Variants in DNAH10 observed in about 807,000 individuals in gnomAD.
The protein encoded by DNAH10 is dynein axonemal heavy chain 10, also known as axonemal beta dynein heavy chain 10.
A neutral mutation model predicts 506.6 loss-of-function variants in DNAH10; 348 were observed. The observed-to-expected ratio is 0.69, with a 90% CI of 0.63 to 0.75. The LOEUF is 0.75. DNAH10 is among the 30% of genes least tolerant of loss of function. The probability of loss-of-function intolerance (pLI) is 0.00; values close to 1 mark genes in which losing one functional copy is unlikely to be tolerated. For missense variants in DNAH10, 5,179 were observed against 5,787.1 expected (o/e 0.89, Z 3.41); for synonymous variants, 2,059 against 2,198.6 (o/e 0.94, Z 1.78).
At position 123,875,557 on chromosome 12, in the gene DNAH10, C is replaced by CT. The variant is rs1952221625; in HGVS notation, c.8199+67dup. The CT allele has an allele frequency of 1.2e-5, 19 of 1,588,190 alleles. No homozygotes were observed. In the South Asian group the frequency reaches 2.0e-4, roughly 17 times the overall value. ...GTGTTGGGGGGAAACATACACAGGGCTGACTTATCCATGTAGGCACAGCAG... is the reference window on the plus strand; with the variant it reads ...GTGTTGGGGGGAAACATACACAGGGCTTGACTTATCCATGTAGGCACAGCAG... On this transcript the variant is annotated intron_variant, in intron 47 of 78. Coordinates refer to ENST00000673944, the MANE Select transcript of DNAH10 (RefSeq NM_001372106.1).
chr12:123,787,990 C>T lies in DNAH10; in HGVS notation c.1608C>T (p.Ser536=), dbSNP rs1241634396. 1.1e-5 allele frequency: 18 copies of T among 1,568,924 alleles called. No homozygotes were observed. The highest frequency in any genetic ancestry group is 1.5e-5 in the Non-Finnish European group (17 of 1,156,482). The change falls in exon 10 of 79, where the codon TCC becomes TCT. Residue 536 remains serine (S), a synonymous_variant. Transcript: ENST00000673944. This position sits in a 1 kb window ranked among gnomAD's most constrained non-coding sequence, Gnocchi z 4.6. ...DYMATICQDL[S]DVLQILEEFY... ...TGGCCACCATCTGCCAGGACCTCTC[C>T]GACGTTCTGCAGGTAGGGGCTGGGC...
At chr12:123,765,603 T>A (rs2135948689) in intron 1 of DNAH10, among the ~76,000 whole-genome samples, 1 of 149,168 alleles carries the variant, frequency 6.7e-6, no homozygotes, top group South Asian at 2.1e-4. Context: ...TATCTATACA[T>A]ACCTCTATCT....
At chr12:123,784,629 T>C (rs1210733079) in intron 8 of DNAH10, among the ~76,000 whole-genome samples, 1 of 152,196 alleles carries the variant, frequency 6.6e-6, no homozygotes, top group Non-Finnish European at 1.5e-5. Flanking sequence ...AAGCATACAG[T>C]TCAGTGGCAC....
At position 123,833,317 on chromosome 12, in the gene DNAH10, A is replaced by C. The variant is rs776903342; in HGVS notation, c.4749A>C (p.Lys1583Asn). 29 of 1,613,100 alleles carry C rather than the reference A, an allele frequency of 1.8e-5. No homozygotes were observed. Among genetic ancestry groups the C allele is most frequent in the African/African-American group, 4.0e-5 (3 of 74,916 alleles). ...TGCAAACTGTTCACAAATGGGAAAAAACGCTTTCTCTAATAGGGGAAGTCA... is the reference window on the plus strand; with the variant it reads ...TGCAAACTGTTCACAAATGGGAAAACACGCTTTCTCTAATAGGGGAAGTCA... ...PFLQTVHKWEKTLSLIGEVIE... is the reference protein window; with the variant it reads ...PFLQTVHKWENTLSLIGEVIE... The change falls in exon 27 of 79, where the codon AAA becomes AAC. Residue 1583 changes from lysine (K) to asparagine (N), a missense_variant. Physicochemically the swap from Lys to Asn is moderately conservative, Grantham distance 94. This residue lies in a region of DNAH10 where 4,844 missense variants were observed against 5,430.5 expected (regional missense o/e 0.89). Transcript: ENST00000673944.
chr12:123,786,075 G>A (rs1327422947), intron 9 of DNAH10, 139 bp downstream of exon 9: 14 of 1,061,420 alleles, frequency 1.3e-5, no homozygotes, highest in Non-Finnish European at 1.8e-5. Context: ...CTTATGGCTG[G>A]GCACAGTGGT....
At chr12:123,790,782 C>T (rs1163329646) in intron 11 of DNAH10, among the ~76,000 whole-genome samples, 3 of 152,116 alleles carry the variant, frequency 2.0e-5, no homozygotes, top group East Asian at 1.9e-4. Context: ...AGACTTACTT[C>T]AGTAGGCAAG....
intron 51 of DNAH10, among the ~76,000 whole-genome samples, chr12:123,883,583 A>G (rs1411172897): frequency 1.3e-5 from 2 of 152,198 alleles, no homozygotes; most frequent in African/African-American, 4.8e-5. Flanking sequence ...TGGTTGCATG[A>G]TACACATGCA....
intron 17 of DNAH10, among the ~76,000 whole-genome samples, chr12:123,804,301 A>G (rs1408331176): frequency 1.3e-5 from 2 of 152,118 alleles, no homozygotes; most frequent in Non-Finnish European, 2.9e-5. Flanking sequence ...TGAGGCAGGC[A>G]GATCACAAGG....
intron 5 of DNAH10, among the ~76,000 whole-genome samples, chr12:123,780,250 G>A (rs919973933): frequency 6.7e-6 from 1 of 148,522 alleles, no homozygotes; most frequent in Non-Finnish European, 1.5e-5. Context: ...CCCTGCAACC[G>A]CCGCCTCCTG....
chr12:123,881,549 T>C, intron 50 of DNAH10, 76 bp from the exon 51 acceptor site: 1 of 1,366,372 alleles, frequency 7.3e-7, no homozygotes, highest in Non-Finnish European at 9.8e-7. Flanking sequence ...TTCTGGATAT[T>C]AGCCCTTTGT....
In DNAH10 at chr12:123,925,188, G is replaced by A. The variant is rs762338634; in HGVS notation, c.11905G>A (p.Val3969Ile). 3 of 1,613,862 alleles carry A rather than the reference G, an allele frequency of 1.9e-6. No individual in the cohort carries two copies. Among genetic ancestry groups the A allele is most frequent in the Middle Eastern group, 1.6e-4 (1 of 6,082 alleles). Residue 3969 changes from valine (V) to isoleucine (I), a missense_variant, in exon 68 of 79, where the codon GTA becomes ATA. Physicochemically the swap from Val to Ile is conservative, Grantham distance 29. This residue lies in a region of DNAH10 where 4,844 missense variants were observed against 5,430.5 expected (regional missense o/e 0.89). Coordinates refer to ENST00000673944, the MANE Select transcript of DNAH10 (RefSeq NM_001372106.1). This position sits in a 1 kb window ranked among gnomAD's most constrained non-coding sequence, Gnocchi z 4.0. Reference protein sequence around the residue: ...VYRAVTDYVTVTMGEKYVQPP... With the variant: ...VYRAVTDYVTITMGEKYVQPP... The stretch of plus-strand genomic sequence containing the variant: ...TCGGGCCGTGACTGACTATGTGACT[G>A]TAACAATGGGAGAGAAGTAAGTGTG...
intron 47 of DNAH10, among the ~76,000 whole-genome samples, chr12:123,875,701 A>G (rs1952227647): frequency 6.6e-6 from 1 of 152,236 alleles, no homozygotes; most frequent in Admixed American, 6.5e-5. Flanking sequence ...ATGTATTTTT[A>G]TGGAGGAAGA....
Position 123,929,405 on chromosome 12 carries a change from A to G in DNAH10, c.12437A>G (p.His4146Arg), listed in dbSNP as rs535307465. The part of the protein sequence containing the change: ...KPLVYVLAFF[H>R]AVVQERRKFG... The stretch of plus-strand genomic sequence containing the variant: ...CTGGTCTACGTGCTGGCGTTCTTTC[A>G]TGCTGTGGTGCAGGAGAGAAGGAAG... Residue 4146 changes from histidine (H) to arginine (R), a missense_variant, in exon 71 of 79, where the codon CAT becomes CGT. Physicochemically the swap from His to Arg is conservative, Grantham distance 29. Transcript: ENST00000673944. 1 of 1,613,708 alleles carries G rather than the reference A, an allele frequency of 6.2e-7. No individual in the cohort carries two copies. The highest frequency in any genetic ancestry group is 8.5e-7 in the Non-Finnish European group (1 of 1,179,822).
chr12:123,914,614 G>A, intron 61 of DNAH10, 64 bp downstream of exon 61: 2 of 1,525,414 alleles, frequency 1.3e-6, no homozygotes, highest in Non-Finnish European at 1.8e-6. Context: ...CTACGTGGGT[G>A]TCACCCTGGG....
intron 28 of DNAH10, among the ~76,000 whole-genome samples, chr12:123,836,735 T>TAA (rs1347747529): frequency 3.3e-5 from 5 of 152,192 alleles, no homozygotes; most frequent in African/African-American, 1.2e-4. Flanking sequence ...GTACAACACA[T>TAA]ATCAGGCTGG....
rs1594334058 is a variant in DNAH10 at position 123,903,670 on chromosome 12, C to T, written c.9815+557C>T. 1.3e-5 allele frequency among the ~76,000 whole-genome samples: 2 copies of T among 152,278 alleles called. No homozygotes were observed. The highest frequency in any genetic ancestry group is 4.8e-5 in the African/African-American group (2 of 41,548). The stretch of plus-strand genomic sequence containing the variant: ...GCTCATCTGCTGTCAGCGAGGGTAA[C>T]GTGGTGTGGCGTGGGCTAACAAGCT... On this transcript the variant is annotated intron_variant, in intron 57 of 78. Transcript: ENST00000673944. This position sits in a 1 kb window ranked among gnomAD's most constrained non-coding sequence, Gnocchi z 4.6.
chr12:123,802,730 C>CTT (rs772071953), intron 16 of DNAH10, among the ~76,000 whole-genome samples: 4 of 132,046 alleles, frequency 3.0e-5, no homozygotes, highest in South Asian at 2.5e-4. Context: ...TTTGCTGTCA[C>CTT]TTTTTTTTTT....
rs772626564 is a variant in DNAH10, at chr12:123,909,483, G to A, written c.9997+41G>A. Reference sequence around the variant, plus strand: ...TGTGGGAATCGCCAGGGTGGATCTCGGTCTGGCATCTCAGGCTCTGGGACA... The same window carrying A: ...TGTGGGAATCGCCAGGGTGGATCTCAGTCTGGCATCTCAGGCTCTGGGACA... On this transcript the variant is annotated intron_variant, in intron 58 of 78. Transcript: ENST00000673944. This position sits in a 1 kb window ranked among gnomAD's most constrained non-coding sequence, Gnocchi z 5.4. 2.8e-5 allele frequency: 42 copies of A among 1,504,334 alleles called. 1 individual carries two copies. The East Asian group carries it at 6.6e-4, about 23-fold the overall frequency. 93.2% of individuals were successfully genotyped at this position (1,504,334 alleles called of 1,614,324 possible). A position where few individuals can be genotyped will look rare whatever the true frequency, so the allele number is the denominator to read the frequency against.
intron 43 of DNAH10, among the ~76,000 whole-genome samples, chr12:123,869,409 C>A (rs1366498485): frequency 6.6e-6 from 1 of 152,062 alleles, no homozygotes; most frequent in East Asian, 1.9e-4. Flanking sequence ...TGTCTAAGGG[C>A]TGACAGGGAG....
Sources: allele counts gnomAD v4.1 joint callset (sites outside exome capture counted in the v4.1 genomes callset), GRCh38; gene constraint gnomAD v4.1.1; regional missense constraint gnomAD v4.1.1; non-coding constraint Gnocchi (gnomAD v3.1); transcripts MANE v1.5; gene names NCBI Gene and HGNC (gene_info 2026-07-23, HGNC 2026-07-21).